P4HA1: variants seen among roughly 807,000 people sequenced by gnomAD.
P4HA1 encodes the protein prolyl 4-hydroxylase subunit alpha-1.
A neutral mutation model predicts 72.8 loss-of-function variants in P4HA1; 24 were observed. The ratio of observed to expected loss-of-function variants is 0.33; its 90% CI spans 0.24 to 0.46. The LOEUF (loss-of-function observed/expected upper bound fraction) is 0.46. P4HA1 is among the 20% of genes least tolerant of loss of function. The pLI is 1.00. For missense variants in P4HA1, 446 were observed against 640.6 expected, an observed-to-expected ratio of 0.70 and a Z score of 3.28; for synonymous variants, 201 against 218.8, an observed-to-expected ratio of 0.92 and a Z score of 0.72.
At chr10:73,048,299 T>C (rs188383096) in intron 7 of P4HA1, among the ~76,000 whole-genome samples, 1 of 152,320 alleles carries the variant, frequency 6.6e-6, no homozygotes, top group East Asian at 1.9e-4. Flanking sequence ...AGTCTTGCTC[T>C]GTTACCCAGG....
At chr10:73,032,156 T>TGAAGGG (rs879321871) in intron 9 of P4HA1, among the ~76,000 whole-genome samples, 4 of 152,212 alleles carry the variant, frequency 2.6e-5, no homozygotes, top group Non-Finnish European at 1.5e-5. Flanking sequence ...CTTCACTCAG[T>TGAAGGG]AGATAATGTA....
intron 1 of P4HA1, among the ~76,000 whole-genome samples, chr10:73,080,141 A>G (rs556128725): frequency 1.1e-3 from 166 of 152,244 alleles, no homozygotes; most frequent in Non-Finnish European, 2.1e-3. Flanking sequence ...ATAATCTCCC[A>G]GCCCACCTAA....
chr10:73,010,653 G>A (rs542409925), intron 13 of P4HA1, among the ~76,000 whole-genome samples: 1 of 152,198 alleles, frequency 6.6e-6, no homozygotes, highest in Non-Finnish European at 1.5e-5. Context: ...AGGATCACTT[G>A]AGCCCAAGAG....
chr10:73,016,187 A>G (rs1840004647), intron 11 of P4HA1, among the ~76,000 whole-genome samples: 1 of 152,074 alleles, frequency 6.6e-6, no homozygotes. Flanking sequence ...TTCATCTTCC[A>G]CTATCCCCTG....
At chr10:73,027,671 G>T (rs74573928) in intron 10 of P4HA1, among the ~76,000 whole-genome samples, 9,312 of 127,240 alleles carry the variant, frequency 0.073, 436 homozygotes, top group East Asian at 0.22. Flanking sequence ...AGGAAGGAAG[G>T]AAGTAAAGAA....
At chr10:73,047,324 TTAAA>T (rs1840889938) in intron 7 of P4HA1, among the ~76,000 whole-genome samples, 1 of 152,000 alleles carries the variant, frequency 6.6e-6, no homozygotes, top group Non-Finnish European at 1.5e-5. Context: ...AGGCGAGGTC[TTAAA>T]TAAGGAGAAA....
intron 9 of P4HA1, among the ~76,000 whole-genome samples, chr10:73,044,731 GAAGA>G (rs1465589999): frequency 6.6e-6 from 1 of 152,154 alleles, no homozygotes; most frequent in Non-Finnish European, 1.5e-5. Flanking sequence ...CACCTGATCT[GAAGA>G]AAGATAAAAA....
intron 14 of P4HA1, 81 bp from the exon 15 acceptor site, chr10:73,008,373 C>A: frequency 1.1e-6 from 1 of 882,774 alleles, no homozygotes. Flanking sequence ...AGGTCTATAA[C>A]AAAGTTTCAT....
chr10:73,067,985 A>T (rs1177586016), intron 5 of P4HA1, among the ~76,000 whole-genome samples: 2 of 152,202 alleles, frequency 1.3e-5, no homozygotes, highest in East Asian at 1.9e-4. Flanking sequence ...AACCAATTTT[A>T]AAAATAAGGT....
intron 11 of P4HA1, among the ~76,000 whole-genome samples, 174 bp from the exon 12 acceptor site, chr10:73,014,463 G>C (rs896536199): frequency 1.3e-5 from 2 of 152,120 alleles, no homozygotes; most frequent in African/African-American, 4.8e-5. Flanking sequence ...TTGTAAGATG[G>C]AGTCTTGCTA....
intron 1 of P4HA1, among the ~76,000 whole-genome samples, chr10:73,086,332 A>G (rs1296190189): frequency 1.3e-5 from 2 of 152,268 alleles, no homozygotes; most frequent in African/African-American, 4.8e-5. Flanking sequence ...ACAATGGAAT[A>G]TTATTTGGCT....
Position 73,053,376 on chromosome 10 carries a change from C to T in P4HA1, c.678G>A (p.Leu226=). Residue 226 remains leucine (L), a synonymous_variant, in exon 6 of 15, where the codon TTG becomes TTA. Transcript: ENST00000394890. ...CTAGTTCAAGAAGCTTCTTTGTGAGCAAAAGTGCCTTATCCAGGTCTCCCT... is the reference window on the plus strand; with the variant it reads ...CTAGTTCAAGAAGCTTCTTTGTGAGTAAAAGTGCCTTATCCAGGTCTCCCT... The part of the protein sequence containing the change: ...YQQGDLDKAL[L]LTKKLLELDP... The T allele has an allele frequency of 1.2e-6, 2 of 1,614,114 alleles. No homozygotes were observed. The highest frequency in any genetic ancestry group is 1.3e-5 in the African/African-American group (1 of 75,048).
At chr10:73,073,269 T>C (rs1321515850) in intron 3 of P4HA1, among the ~76,000 whole-genome samples, 2 of 144,296 alleles carry the variant, frequency 1.4e-5, no homozygotes, top group African/African-American at 5.1e-5. Context: ...TAGCCTAGGC[T>C]GGAGTGCAGT....
chr10:73,045,873 CAA>C (rs537895197), intron 8 of P4HA1, among the ~76,000 whole-genome samples: 6 of 112,302 alleles, frequency 5.3e-5, no homozygotes, highest in African/African-American at 5.9e-5. Context: ...AATCTTTGGC[CAA>C]AAAAAAAAAA....
chr10:73,051,960 A>G lies in P4HA1; in HGVS notation c.704-711T>C, dbSNP rs746288572. ...AGAAAAACAATCACATGAGGAAGAC[A>G]GGGGATAAGCAATTCAAAAGCAACC... On this transcript the variant is annotated intron_variant, in intron 6 of 14. Coordinates refer to ENST00000394890, the MANE Select transcript of P4HA1 (RefSeq NM_001017962.3). 5.3e-5 allele frequency among the ~76,000 whole-genome samples: 8 copies of G among 152,332 alleles called. No individual in the cohort carries two copies. The South Asian group carries it at 1.2e-3, about 24-fold the overall frequency.
chr10:73,062,367 C>T (rs941505375), intron 5 of P4HA1, among the ~76,000 whole-genome samples: 2 of 151,258 alleles, frequency 1.3e-5, no homozygotes, highest in Non-Finnish European at 2.9e-5. Context: ...CCCTTTCTGA[C>T]ACTATAAAAA....
intron 10 of P4HA1, among the ~76,000 whole-genome samples, chr10:73,027,196 C>G (rs1342026554): frequency 2.0e-5 from 3 of 152,166 alleles, no homozygotes; most frequent in Non-Finnish European, 4.4e-5. Flanking sequence ...TTGGAACCAA[C>G]CCAAATGTCC....
chr10:73,036,812 A>C (rs1476925101), intron 9 of P4HA1, among the ~76,000 whole-genome samples: 2 of 152,348 alleles, frequency 1.3e-5, no homozygotes, highest in African/African-American at 2.4e-5. Context: ...TAGACATAAT[A>C]GGTTATCTAA....
chr10:73,086,575 T>C (rs1841926546), intron 1 of P4HA1, among the ~76,000 whole-genome samples: 1 of 152,170 alleles, frequency 6.6e-6, no homozygotes, highest in Non-Finnish European at 1.5e-5. Context: ...CTGAAATGTA[T>C]ACTTTAAAGG....
Sources: allele counts gnomAD v4.1 joint callset (sites outside exome capture counted in the v4.1 genomes callset), GRCh38; gene constraint gnomAD v4.1.1; transcripts MANE v1.5; gene names NCBI Gene and HGNC (gene_info 2026-07-23, HGNC 2026-07-21).